SPTBN4: variants seen among roughly 807,000 people sequenced by gnomAD.
SPTBN4 encodes the protein spectrin beta, non-erythrocytic 4.
In SPTBN4, 96 loss-of-function variants were observed where a neutral mutation model predicts 277.8. The ratio of observed to expected loss-of-function variants is 0.35; its 90% CI spans 0.29 to 0.41. The LOEUF (loss-of-function observed/expected upper bound fraction) is 0.41. Ranked by LOEUF, SPTBN4 falls within the 10% of genes least tolerant of loss-of-function variation. The probability of loss-of-function intolerance (pLI) is 1.00; values close to 1 mark genes in which losing one functional copy is unlikely to be tolerated. For synonymous variants in SPTBN4, 1,481 were observed against 1,580.3 expected (o/e 0.94, Z 1.49); for missense variants, 3,006 against 3,595.7 (o/e 0.84, Z 4.19).
chr19:40,539,786 C>T (rs1419549697), intron 20 of SPTBN4, among the ~76,000 whole-genome samples: 1 of 151,524 alleles, frequency 6.6e-6, no homozygotes, highest in Non-Finnish European at 1.5e-5. Context: ...GGCTGTGCCT[C>T]ATTTTCTTCT....
rs749087626 is a variant in SPTBN4, at chr19:40,494,937, C to T, written c.628C>T (p.Arg210Trp). 3 of 1,614,150 alleles carry T rather than the reference C, an allele frequency of 1.9e-6. No homozygotes were observed. The highest frequency in any genetic ancestry group is 2.2e-5 in the East Asian group (1 of 44,880). The change falls in exon 6 of 36, where the codon CGG (arginine) becomes TGG (tryptophan). Residue 210 changes from arginine to tryptophan, a missense_variant. This residue lies in a region of SPTBN4 where 1,759 missense variants were observed against 2,061.5 expected (regional missense o/e 0.85). Transcript: ENST00000598249. ...CATCCAGAATTTCACCACCAGCTGGCGGGATGGCTTGGCCTTCAATGCCCT... is the reference window on the plus strand; with the variant it reads ...CATCCAGAATTTCACCACCAGCTGGTGGGATGGCTTGGCCTTCAATGCCCT... ...VNIQNFTTSW[R>W]DGLAFNALIH... is the part of the protein sequence containing the mutation.
chr19:40,545,946 G>A (rs575098425), intron 20 of SPTBN4, among the ~76,000 whole-genome samples: 9 of 151,910 alleles, frequency 5.9e-5, no homozygotes, highest in Non-Finnish European at 1.2e-4. Context: ...GGGAGGCTGA[G>A]GCAGGAGAAT....
chr19:40,479,041 C>T (rs574503585), intron 2 of SPTBN4, among the ~76,000 whole-genome samples: 59 of 152,294 alleles, frequency 3.9e-4, no homozygotes, highest in African/African-American at 1.4e-3. Context: ...GCAAATATGA[C>T]GTAGACCACT....
intron 30 of SPTBN4, 21 bp from the exon 31 acceptor site, chr19:40,567,642 C>G (rs377169953): frequency 8.8e-7 from 1 of 1,131,828 alleles, no homozygotes; most frequent in Non-Finnish European, 1.2e-6. Flanking sequence ...TCCAACCTAA[C>G]CCTGGTCCCT....
intron 30 of SPTBN4, chr19:40,566,973 T>TAA (rs113655225): frequency 3.4e-3 from 757 of 221,712 alleles, no homozygotes; most frequent in South Asian, 5.3e-3. Flanking sequence ...ACAACAACAA[T>TAA]AAAAAAAAAA....
chr19:40,516,749 G>T (rs189705330), intron 15 of SPTBN4, among the ~76,000 whole-genome samples: 1 of 151,942 alleles, frequency 6.6e-6, no homozygotes, highest in South Asian at 2.1e-4. Flanking sequence ...GCTTGAACCC[G>T]GGAGGCAGAG....
At chr19:40,543,966 C>T (rs745599937) in intron 20 of SPTBN4, among the ~76,000 whole-genome samples, 1 of 152,272 alleles carries the variant, frequency 6.6e-6, no homozygotes, top group South Asian at 2.1e-4. Flanking sequence ...GGAAAATTAT[C>T]GCCTTCATCC....
rs1430002339 is a variant in SPTBN4, at chr19:40,544,417, C to T, written c.4360-4772C>T. ...TCAGCCTTCCAAAGTGCTGGGATTA[C>T]AGGCATGAGCCATTGTGCCCGGCTT... On this transcript the variant is annotated intron_variant, in intron 20 of 35. Coordinates refer to ENST00000598249, the MANE Select transcript of SPTBN4 (RefSeq NM_020971.3). 3.0e-4 allele frequency among the ~76,000 whole-genome samples: 43 copies of T among 141,870 alleles called. 1 individual carries two copies. The highest frequency in any genetic ancestry group is 7.1e-5 in the Admixed American group (1 of 14,026). 93.1% of individuals were successfully genotyped at this position (141,870 alleles called of 152,430 possible).
Position 40,515,907 on chromosome 19 carries a change from A to C in SPTBN4, c.2903+459A>C, listed in dbSNP as rs1340385884. On this transcript the variant is annotated intron_variant, in intron 15 of 35. Coordinates refer to ENST00000598249, the MANE Select transcript of SPTBN4 (RefSeq NM_020971.3). The surrounding 1 kb of genome is among the most constrained non-coding windows in gnomAD (Gnocchi z 4.1). ...ACACACACACACACACACAAAATAT[A>C]TATATACACACACATATATATACAC... is the stretch of plus-strand genomic sequence containing the variant. 4.6e-5 allele frequency among the ~76,000 whole-genome samples: 6 copies of C among 129,688 alleles called. No individual in the cohort carries two copies. Among genetic ancestry groups the C allele is most frequent in the Admixed American group, 4.5e-4 (6 of 13,398 alleles). 85.1% of individuals were successfully genotyped at this position (129,688 alleles called of 152,430 possible).
chr19:40,556,997 C>T (rs748913147), intron 25 of SPTBN4, 26 bp from the exon 26 acceptor site: 2 of 353,090 alleles, frequency 5.7e-6, no homozygotes, highest in Non-Finnish European at 7.2e-6. Flanking sequence ...CTTTGCTGTA[C>T]CCCCCCCCCC....
intron 20 of SPTBN4, among the ~76,000 whole-genome samples, chr19:40,539,813 AATG>A (rs1170227482): frequency 6.6e-6 from 1 of 151,906 alleles, no homozygotes; most frequent in Non-Finnish European, 1.5e-5. Flanking sequence ...AAATGGGCAT[AATG>A]ATATTTCTGA....
rs761930895 is a variant in SPTBN4 at position 40,502,492 on chromosome 19, C to A, written c.1188C>A (p.Ile396=). ...TTGTGCCTCGGGAGGGCTGTGGCAT[C>A]TGGGATATTGACAAGGTGAGGCCGG... ...RLFVPREGCG[I]WDIDKAWGEL... Residue 396 remains isoleucine, a synonymous_variant, in exon 10 of 36, where the codon ATC becomes ATA. Coordinates refer to ENST00000598249, the MANE Select transcript of SPTBN4 (RefSeq NM_020971.3). The surrounding 1 kb of genome is among the most constrained non-coding windows in gnomAD (Gnocchi z 4.9). 2 of 1,612,672 alleles carry A rather than the reference C, an allele frequency of 1.2e-6. No homozygotes were observed. The highest frequency in any genetic ancestry group is 1.3e-5 in the African/African-American group (1 of 74,922).
intron 22 of SPTBN4, among the ~76,000 whole-genome samples, chr19:40,550,752 C>T (rs62107865): frequency 0.14 from 21,952 of 152,062 alleles, 1,644 homozygotes; most frequent in Middle Eastern, 0.16. Context: ...CTCCTGGCCT[C>T]AAGTGATCCA....
intron 16 of SPTBN4, among the ~76,000 whole-genome samples, chr19:40,521,363 A>ATTG (rs2080524663): frequency 6.6e-6 from 1 of 152,216 alleles, no homozygotes; most frequent in Non-Finnish European, 1.5e-5. Flanking sequence ...TTGTTATTAC[A>ATTG]TTATAACATA....
chr19:40,553,887 C>T (rs1461762127), intron 22 of SPTBN4, among the ~76,000 whole-genome samples: 1 of 152,196 alleles, frequency 6.6e-6, no homozygotes, highest in African/African-American at 2.4e-5. Context: ...TGTTCAAATC[C>T]TGTCACTCCT....
chr19:40,476,413 A>G (rs1288094274), intron 2 of SPTBN4, among the ~76,000 whole-genome samples: 7 of 152,082 alleles, frequency 4.6e-5, no homozygotes, highest in Admixed American at 4.6e-4. Context: ...ACCAGATTCA[A>G]CTGGTGGATT....
chr19:40,571,900 T>G (rs2081158793), intron 33 of SPTBN4, 119 bp from the exon 34 acceptor site: 1 of 1,224,026 alleles, frequency 8.2e-7, no homozygotes, highest in African/African-American at 1.5e-5. Context: ...AGGGCGCAAC[T>G]AGGGCGCAAA....
At chr19:40,476,759 T>C (rs2145805672) in intron 2 of SPTBN4, among the ~76,000 whole-genome samples, 1 of 152,092 alleles carries the variant, frequency 6.6e-6, no homozygotes, top group Non-Finnish European at 1.5e-5. Context: ...CGCTAATTTT[T>C]TGTATTTTTA....
intron 32 of SPTBN4, among the ~76,000 whole-genome samples, chr19:40,570,029 G>GAC (rs372471443): frequency 9.2e-5 from 13 of 140,836 alleles, no homozygotes; most frequent in African/African-American, 2.7e-4. Flanking sequence ...TACACACACA[G>GAC]ACACACACAC....
Sources: gnomAD v4.1 joint callset for allele counts (sites outside exome capture counted in the v4.1 genomes callset) on GRCh38, gnomAD v4.1.1 for gene constraint, gnomAD v4.1.1 regional missense constraint, Gnocchi (gnomAD v3.1) non-coding constraint, MANE v1.5 for transcripts, NCBI Gene and HGNC (gene_info 2026-07-23, HGNC 2026-07-21) for gene names.